Variants in SPATA9 observed in about 807,000 individuals in gnomAD.
SPATA9 encodes the protein spermatogenesis associated 9, also known as spermatogenesis-associated protein 9.
SPATA9 carries 27 observed loss-of-function variants against 25.5 expected under a neutral mutation model. That is an observed-to-expected ratio of 1.06 (90% CI 0.78 to 1.46). SPATA9 has a LOEUF of 1.46. Among genes scored for constraint, SPATA9 ranks in the 40% most tolerant of loss-of-function variants. The pLI, the probability that SPATA9 is intolerant of heterozygous loss-of-function variation, is 0.00. For synonymous variants in SPATA9, 102 were observed against 105.7 expected (o/e 0.97, Z 0.21); for missense variants, 282 against 297.5 (o/e 0.95, Z 0.38).
At chr5:95,689,285 T>C (rs1753825750) in intron 1 of SPATA9, among the ~76,000 whole-genome samples, 1 of 152,216 alleles carries the variant, frequency 6.6e-6, no homozygotes, top group South Asian at 2.1e-4. Context: ...GCAGACAGTC[T>C]ATTATTGTAC....
chr5:95,731,770 G>T, the SPATA9 span: 2 of 1,604,906 alleles, frequency 1.2e-6, no homozygotes, highest in Non-Finnish European at 8.5e-7. Context: ...CATCCTCGCC[G>T]CGCGCTGTCC....
intron 1 of SPATA9, among the ~76,000 whole-genome samples, chr5:95,698,269 A>G (rs747424716): frequency 3.9e-5 from 6 of 152,172 alleles, no homozygotes; most frequent in Non-Finnish European, 7.4e-5. Context: ...AAATAAGCAG[A>G]CAGTGGGGCT....
chr5:95,726,427 G>A, the SPATA9 span, among the ~76,000 whole-genome samples: 3 of 152,042 alleles, frequency 2.0e-5, no homozygotes, highest in South Asian at 2.1e-4. Flanking sequence ...TATTGAATTC[G>A]CCTTCAATAC....
the SPATA9 span, among the ~76,000 whole-genome samples, chr5:95,704,977 C>G: frequency 6.6e-6 from 1 of 151,538 alleles, no homozygotes; most frequent in Non-Finnish European, 1.5e-5. Flanking sequence ...CAGAGTCTCC[C>G]TCTGTCACCC....
At chr5:95,729,381 G>GA in the SPATA9 span, among the ~76,000 whole-genome samples, 1 of 151,970 alleles carries the variant, frequency 6.6e-6, no homozygotes, top group Non-Finnish European at 1.5e-5. Context: ...AGTAACTAAG[G>GA]AAAAAATGAA....
At chr5:95,667,499 C>T (rs1039044407) in intron 3 of SPATA9, among the ~76,000 whole-genome samples, 2 of 152,154 alleles carry the variant, frequency 1.3e-5, no homozygotes, top group African/African-American at 4.8e-5. Flanking sequence ...GGAAATGAAG[C>T]AGCTGCTGCT....
intron 1 of SPATA9, among the ~76,000 whole-genome samples, chr5:95,697,278 C>A (rs1754047136): frequency 6.6e-6 from 1 of 152,192 alleles, no homozygotes; most frequent in South Asian, 2.1e-4. Context: ...TTCAGAAGAT[C>A]TACTCCCAAG....
the SPATA9 span, among the ~76,000 whole-genome samples, chr5:95,728,997 A>T: frequency 6.6e-6 from 1 of 152,220 alleles, no homozygotes; most frequent in Non-Finnish European, 1.5e-5. Context: ...AAGTTACCCT[A>T]TATGGTCTAA....
the SPATA9 span, among the ~76,000 whole-genome samples, chr5:95,726,838 C>T: frequency 6.6e-6 from 1 of 152,160 alleles, no homozygotes; most frequent in Non-Finnish European, 1.5e-5. Flanking sequence ...TCCCGCTGCC[C>T]CTCACTGTGT....
At chr5:95,653,238 T>A (rs980320138) in intron 8 of SPATA9, 3 of 1,551,402 alleles carry the variant, frequency 1.9e-6, no homozygotes, top group Admixed American at 2.0e-5. Flanking sequence ...AGGTTTTCAT[T>A]CATACCCACC....
intron 2 of SPATA9, among the ~76,000 whole-genome samples, chr5:95,676,582 A>G (rs574336367): frequency 1.4e-4 from 22 of 152,324 alleles, no homozygotes; most frequent in Non-Finnish European, 3.1e-4. Flanking sequence ...CCTGTCAGAA[A>G]ATCTTACTAA....
rs1292161533 is a variant in SPATA9 at position 95,663,997 on chromosome 5, A to T, written c.430T>A (p.Leu144Ile). The T allele has an allele frequency of 3.1e-6, 5 of 1,600,070 alleles. No homozygotes were observed. Among genetic ancestry groups the T allele is most frequent in the Non-Finnish European group, 4.3e-6 (5 of 1,171,650 alleles). ...EIISFPAKTALTSIIYASYAA... is the reference protein window; with the variant it reads ...EIISFPAKTAITSIIYASYAA... The stretch of plus-strand genomic sequence containing the variant: ...TATGAAGCATATATTATGCTAGTTA[A>T]AGCAGTCTTTGCTGGAAAGGAGATG... Residue 144 changes from leucine to isoleucine, a missense_variant, in exon 4 of 5, where the codon TTA (leucine) becomes ATA (isoleucine). Leu to Ile is a conservative substitution (Grantham distance 5, BLOSUM62 2). Coordinates refer to ENST00000274432, the MANE Select transcript of SPATA9 (RefSeq NM_031952.4).
intron 4 of SPATA9, 68 bp from the exon 5 acceptor site, chr5:95,658,981 ACAATATAGTGTTCCACATAAAG>A (rs1414010688): frequency 1.3e-6 from 2 of 1,517,116 alleles, no homozygotes; most frequent in East Asian, 4.5e-5. Context: ...TTAAAAACAT[ACAATATAGTGTTCCACATAAAG>A]TCATTTAATC....
chr5:95,730,712 A>T, the SPATA9 span, among the ~76,000 whole-genome samples: 1 of 152,238 alleles, frequency 6.6e-6, no homozygotes, highest in African/African-American at 2.4e-5. Flanking sequence ...AGTTTTCGGT[A>T]AAATACGCTA....
At chr5:95,720,249 G>A in the SPATA9 span, among the ~76,000 whole-genome samples, 1 of 152,136 alleles carries the variant, frequency 6.6e-6, no homozygotes, top group Non-Finnish European at 1.5e-5. Context: ...GTCATCCTGA[G>A]GCCAGCCTGA....
chr5:95,730,011 TG>T, the SPATA9 span, among the ~76,000 whole-genome samples: 4 of 152,206 alleles, frequency 2.6e-5, no homozygotes, highest in South Asian at 8.3e-4. Flanking sequence ...TCTTGCATGC[TG>T]GAATTTTTAA....
upstream of SPATA9, among the ~76,000 whole-genome samples, chr5:95,702,366 T>C (rs1257369567): frequency 6.6e-6 from 1 of 152,152 alleles, no homozygotes; most frequent in African/African-American, 2.4e-5. Flanking sequence ...AGAATTCACA[T>C]AGAGACCATT....
At chr5:95,663,025 AC>A (rs1381502887) in intron 4 of SPATA9, among the ~76,000 whole-genome samples, 1 of 152,236 alleles carries the variant, frequency 6.6e-6, no homozygotes, top group East Asian at 1.9e-4. Flanking sequence ...AGGTATCAGC[AC>A]ATGCATACCT....
chr5:95,652,462 A>C, downstream of SPATA9: 1 of 1,155,844 alleles, frequency 8.7e-7, no homozygotes, highest in South Asian at 2.0e-5. Flanking sequence ...CCTTAAACTC[A>C]ATATGTGTAA....
Sources: allele counts gnomAD v4.1 joint callset (sites outside exome capture counted in the v4.1 genomes callset), GRCh38; gene constraint gnomAD v4.1.1; transcripts MANE v1.5; gene names NCBI Gene and HGNC (gene_info 2026-07-23, HGNC 2026-07-21).